CDH13: variants seen among roughly 807,000 people sequenced by gnomAD.
The protein encoded by CDH13 is cadherin-13.
A neutral mutation model predicts 63.8 loss-of-function variants in CDH13; 24 were observed. The ratio of observed to expected loss-of-function variants is 0.38; its 90% CI spans 0.27 to 0.53. CDH13 has a LOEUF of 0.53. Ranked by LOEUF, CDH13 falls within the 20% of genes least tolerant of loss-of-function variation. CDH13 has a pLI of 0.85. For synonymous variants in CDH13, 503 were observed against 355.3 expected, an observed-to-expected ratio of 1.42 and a Z score of -4.67; for missense variants, 1,049 against 903.1, an observed-to-expected ratio of 1.16 and a Z score of -2.07.
chr16:82,916,488 C>G (rs572854750), intron 2 of CDH13, among the ~76,000 whole-genome samples: 73 of 152,044 alleles, frequency 4.8e-4, no homozygotes, highest in Non-Finnish European at 8.8e-4. Context: ...GCAGGAGAAT[C>G]GTTTGAATCT....
At chr16:83,005,411 C>G (rs1281458384) in intron 2 of CDH13, among the ~76,000 whole-genome samples, 1 of 152,254 alleles carries the variant, frequency 6.6e-6, no homozygotes, top group South Asian at 2.1e-4. Flanking sequence ...ACTAAAGTAC[C>G]AAGGTAGGCT....
At chr16:82,788,770 G>A (rs1251302081) in intron 1 of CDH13, among the ~76,000 whole-genome samples, 1 of 152,214 alleles carries the variant, frequency 6.6e-6, no homozygotes, top group African/African-American at 2.4e-5. Flanking sequence ...CAAAGAGCCG[G>A]ACAGATCCTG....
intron 6 of CDH13, among the ~76,000 whole-genome samples, chr16:83,368,938 A>ATATATATATATATATATATG (rs60900726): frequency 1.8e-5 from 1 of 55,432 alleles, no homozygotes; most frequent in Non-Finnish European, 3.3e-5. Flanking sequence ...ATATATATAT[A>ATATATATATATATATATATG]CTAGGTTTTT....
At chr16:82,662,297 C>T (rs905892663) in intron 1 of CDH13, among the ~76,000 whole-genome samples, 5 of 147,810 alleles carry the variant, frequency 3.4e-5, no homozygotes, top group Admixed American at 2.7e-4. Flanking sequence ...GGATGCACAC[C>T]AAATTGTCGG....
chr16:83,328,857 T>C (rs965190448), intron 5 of CDH13, among the ~76,000 whole-genome samples: 1 of 152,070 alleles, frequency 6.6e-6, no homozygotes, highest in African/African-American at 2.4e-5. Flanking sequence ...AAAATGTACC[T>C]GATCCAAGGG....
chr16:83,102,948 C>CTTTTTTTTTTTTTTTTTTTTTTTTTT (rs71148813), intron 3 of CDH13, among the ~76,000 whole-genome samples: 2 of 69,024 alleles, frequency 2.9e-5, no homozygotes, highest in African/African-American at 7.0e-5. Context: ...TTTTCTTTTT[C>CTTTTTTTTTTTTTTTTTTTTTTTTTT]TTTTTTTTTT....
At chr16:83,403,668 G>C (rs2092001771) in intron 6 of CDH13, among the ~76,000 whole-genome samples, 1 of 152,004 alleles carries the variant, frequency 6.6e-6, no homozygotes, top group Non-Finnish European at 1.5e-5. Context: ...AGAAACCTTT[G>C]GGGGAGTGAG....
At chr16:83,353,288 T>C (rs1329212417) in intron 6 of CDH13, among the ~76,000 whole-genome samples, 1 of 152,242 alleles carries the variant, frequency 6.6e-6, no homozygotes, top group Non-Finnish European at 1.5e-5. Flanking sequence ...TCTGGTGATA[T>C]CTCACACCGG....
chr16:83,107,752 C>A (rs1275533147), intron 3 of CDH13, among the ~76,000 whole-genome samples: 7 of 146,478 alleles, frequency 4.8e-5, no homozygotes, highest in African/African-American at 1.8e-4. Flanking sequence ...TTTTTTTTTA[C>A]AATCACATAA....
chr16:83,077,924 G>A (rs1322024068), intron 3 of CDH13, among the ~76,000 whole-genome samples: 1 of 152,044 alleles, frequency 6.6e-6, no homozygotes, highest in Non-Finnish European at 1.5e-5. Flanking sequence ...ATCCCATTGT[G>A]GATTTAATTT....
intron 6 of CDH13, among the ~76,000 whole-genome samples, chr16:83,431,963 A>G (rs1402237255): frequency 1.3e-5 from 2 of 152,164 alleles, no homozygotes; most frequent in East Asian, 3.9e-4. Flanking sequence ...CAGAGGAAAG[A>G]GGGATTCATG....
intron 13 of CDH13, among the ~76,000 whole-genome samples, chr16:83,784,007 AATT>A (rs1286492696): frequency 1.3e-5 from 2 of 152,222 alleles, no homozygotes; most frequent in Non-Finnish European, 2.9e-5. Context: ...TTAACAAATG[AATT>A]ATTATGCCAA....
At chr16:82,963,537 C>A (rs190162186) in intron 2 of CDH13, among the ~76,000 whole-genome samples, 4 of 152,272 alleles carry the variant, frequency 2.6e-5, no homozygotes, top group Admixed American at 2.6e-4. Flanking sequence ...ACTCTGTTTC[C>A]TCTTACATTT....
At chr16:83,328,954 G>C (rs1375609550) in intron 5 of CDH13, among the ~76,000 whole-genome samples, 1 of 152,190 alleles carries the variant, frequency 6.6e-6, no homozygotes, top group Admixed American at 6.5e-5. Context: ...CTTGTTCACA[G>C]TAAGCAAGTT....
intron 4 of CDH13, among the ~76,000 whole-genome samples, chr16:83,168,460 TGCTAATAGTA>T (rs1343861012): frequency 6.6e-6 from 1 of 152,004 alleles, no homozygotes; most frequent in African/African-American, 2.4e-5. Flanking sequence ...TTAGCCCAAA[TGCTAATAGTA>T]GCTATTTCAT....
chr16:82,878,824 C>A (rs536103483), intron 2 of CDH13, among the ~76,000 whole-genome samples: 2 of 152,134 alleles, frequency 1.3e-5, no homozygotes, highest in Non-Finnish European at 2.9e-5. Flanking sequence ...CTAGGTGTCA[C>A]CTGAATATCT....
chr16:83,200,033 C>T (rs2038980808), intron 4 of CDH13, among the ~76,000 whole-genome samples: 1 of 152,152 alleles, frequency 6.6e-6, no homozygotes, highest in African/African-American at 2.4e-5. Context: ...GTGGCTGGGC[C>T]AGATTTAAGC....
chr16:83,588,435 AT>A (rs1353175484), intron 7 of CDH13, among the ~76,000 whole-genome samples: 1 of 152,080 alleles, frequency 6.6e-6, no homozygotes, highest in Non-Finnish European at 1.5e-5. Flanking sequence ...AGTTTGTGTG[AT>A]TTTTCCCCCA....
At position 83,418,385 on chromosome 16, in the gene CDH13, AT is replaced by A. The variant is rs199713988; in HGVS notation, c.782-68084del. Among the ~76,000 whole-genome samples the A allele has an allele frequency of 7.7e-3, 1,174 of 152,208 alleles. 9 individuals carry two copies. The highest frequency in any genetic ancestry group is 0.012 in the Non-Finnish European group (800 of 68,014). On this transcript the variant is annotated intron_variant, in intron 6 of 13. Coordinates refer to ENST00000567109, the MANE Select transcript of CDH13 (RefSeq NM_001257.5). ...TTATAATACCCATAGGAAGCATGAG[AT>A]TTTTTTTCCAAATTAAGAAAAAAGA... is the stretch of plus-strand genomic sequence containing the variant.
Sources: allele counts gnomAD v4.1 joint callset (sites outside exome capture counted in the v4.1 genomes callset), GRCh38; gene constraint gnomAD v4.1.1; transcripts MANE v1.5; gene names NCBI Gene and HGNC (gene_info 2026-07-23, HGNC 2026-07-21).